ZFPM2: variants seen among roughly 807,000 people sequenced by gnomAD.
ZFPM2 encodes the protein zinc finger protein, FOG family member 2, also known as zinc finger protein ZFPM2.
ZFPM2 carries 20 observed loss-of-function variants against 98.6 expected under a neutral mutation model. That is an observed-to-expected ratio of 0.20 (90% confidence interval 0.14 to 0.29). The LOEUF (loss-of-function observed/expected upper bound fraction) is 0.29. Ranked by LOEUF, ZFPM2 falls within the 10% of genes least tolerant of loss-of-function variation. ZFPM2 has a pLI of 1.00. For synonymous variants in ZFPM2, 518 were observed against 502.7 expected (o/e 1.03, Z -0.41); for missense variants, 1,310 against 1,388.6 (o/e 0.94, Z 0.90).
intron 1 of ZFPM2, among the ~76,000 whole-genome samples, chr8:105,335,894 C>T (rs1812316251): frequency 6.6e-6 from 1 of 151,776 alleles, no homozygotes; most frequent in Non-Finnish European, 1.5e-5. Context: ...CCCTCCCTAA[C>T]CACCCTGTGG....
intron 3 of ZFPM2, among the ~76,000 whole-genome samples, chr8:105,496,760 A>G (rs1309433107): frequency 1.4e-5 from 2 of 145,168 alleles, no homozygotes; most frequent in African/African-American, 5.1e-5. Flanking sequence ...AGGTGGGCGG[A>G]TCACCTGAGC....
intron 3 of ZFPM2, among the ~76,000 whole-genome samples, chr8:105,552,092 C>A (rs1307586432): frequency 6.6e-6 from 1 of 152,162 alleles, no homozygotes; most frequent in Non-Finnish European, 1.5e-5. Context: ...TCAATGAGTT[C>A]TATTGATGTT....
rs1216178509 is a variant in ZFPM2 at position 105,418,703 on chromosome 8, C to T, written c.41-441C>T. The T allele has an allele frequency of 1.6e-5, 8 of 492,502 alleles. No homozygotes were observed. The East Asian group carries it at 4.4e-4, about 27-fold the overall frequency. 30.5% of individuals were successfully genotyped at this position (492,502 alleles called of 1,614,324 possible). On this transcript the variant is annotated intron_variant, in intron 1 of 7. Transcript: ENST00000407775. Reference sequence around the variant, plus strand: ...TTAAAAGTATAGACTTTATTAAAATCTCAGTTCAATTAAAATGCATTCAAT... The same window carrying T: ...TTAAAAGTATAGACTTTATTAAAATTTCAGTTCAATTAAAATGCATTCAAT...
chr8:105,466,706 T>A (rs1303026462), intron 3 of ZFPM2, among the ~76,000 whole-genome samples: 1 of 152,086 alleles, frequency 6.6e-6, no homozygotes, highest in Non-Finnish European at 1.5e-5. Context: ...GTAATATGAT[T>A]CTACCCCATG....
chr8:105,526,493 C>A (rs35813391), intron 3 of ZFPM2, among the ~76,000 whole-genome samples: 19,296 of 152,090 alleles, frequency 0.13, 1,265 homozygotes, highest in South Asian at 0.18. Context: ...TGTTTGAAAT[C>A]ATTTTTTTCC....
intron 6 of ZFPM2, among the ~76,000 whole-genome samples, chr8:105,790,795 G>A (rs947192401): frequency 6.6e-6 from 1 of 152,086 alleles, no homozygotes; most frequent in East Asian, 1.9e-4. Flanking sequence ...AGTTCTCCTT[G>A]AAGAGGTCCT....
intron 3 of ZFPM2, among the ~76,000 whole-genome samples, chr8:105,496,009 A>C (rs541265131): frequency 2.7e-4 from 41 of 152,304 alleles, no homozygotes; most frequent in Admixed American, 2.7e-3. Context: ...TTAGGATTAC[A>C]AAAAAGCCGG....
Position 105,489,285 on chromosome 8 carries a change from AATAAG to A in ZFPM2, c.301+44907_301+44911del, listed in dbSNP as rs1813302666. On this transcript the variant is annotated intron_variant, in intron 3 of 7. Transcript: ENST00000407775. Reference sequence around the variant, plus strand: ...AAGAAATTTGCCAAATAATGTCGGTAATAAGATGATATCACTTTACCATTCATTAT... The same window carrying A: ...AAGAAATTTGCCAAATAATGTCGGTAATGATATCACTTTACCATTCATTAT... Among the ~76,000 whole-genome samples, 4 of 151,434 alleles carry A rather than the reference AATAAG, an allele frequency of 2.6e-5. No homozygotes were observed. In the South Asian group the frequency reaches 8.3e-4, roughly 31 times the overall value.
chr8:105,590,017 G>T (rs1332259747), intron 4 of ZFPM2, among the ~76,000 whole-genome samples: 2 of 152,134 alleles, frequency 1.3e-5, no homozygotes, highest in South Asian at 2.1e-4. Context: ...ACTGCTCCCG[G>T]CTTCTTTAAT....
chr8:105,763,858 T>C lies in ZFPM2; in HGVS notation c.533-24860T>C, dbSNP rs1372503088. On this transcript the variant is annotated intron_variant, in intron 5 of 7. Transcript: ENST00000407775. The stretch of plus-strand genomic sequence containing the variant: ...CTAAGGGTTTGGAAGCTGTTTTTCA[T>C]ATCTAAAAAAAGATGGGATCATAAA... 4.6e-5 allele frequency among the ~76,000 whole-genome samples: 7 copies of C among 151,838 alleles called. No individual in the cohort carries two copies. The East Asian group carries it at 9.7e-4, about 21-fold the overall frequency.
intron 6 of ZFPM2, among the ~76,000 whole-genome samples, chr8:105,789,685 G>C (rs1320397074): frequency 6.6e-6 from 1 of 152,112 alleles, no homozygotes; most frequent in Admixed American, 6.5e-5. Flanking sequence ...GGTTGAACTA[G>C]TTTACAGTCC....
intron 1 of ZFPM2, among the ~76,000 whole-genome samples, chr8:105,326,620 A>G (rs1812119445): frequency 6.6e-6 from 1 of 151,694 alleles, no homozygotes. Flanking sequence ...TAGTATTCCC[A>G]TGTATGTAAA....
At chr8:105,665,209 G>T (rs540331968) in intron 5 of ZFPM2, among the ~76,000 whole-genome samples, 1 of 152,146 alleles carries the variant, frequency 6.6e-6, no homozygotes, top group South Asian at 2.1e-4. Flanking sequence ...GTTCCCCCAA[G>T]AAAGGCATTA....
intron 3 of ZFPM2, among the ~76,000 whole-genome samples, chr8:105,514,631 C>CTT (rs939326307): frequency 6.6e-6 from 1 of 152,096 alleles, no homozygotes; most frequent in Non-Finnish European, 1.5e-5. Flanking sequence ...GAAGCACACT[C>CTT]TTCTCTCACC....
intron 5 of ZFPM2, among the ~76,000 whole-genome samples, chr8:105,776,210 C>T (rs1287792665): frequency 6.6e-6 from 1 of 152,008 alleles, no homozygotes; most frequent in Non-Finnish European, 1.5e-5. Flanking sequence ...AGGGAATGCA[C>T]CGGTTTAACC....
At chr8:105,702,564 A>C (rs1811162464) in intron 5 of ZFPM2, among the ~76,000 whole-genome samples, 2 of 152,232 alleles carry the variant, frequency 1.3e-5, no homozygotes, top group African/African-American at 4.8e-5. Context: ...TTTTCCCAGG[A>C]AAATGTTCTT....
chr8:105,654,909 G>A (rs1382019665), intron 5 of ZFPM2, among the ~76,000 whole-genome samples: 1 of 152,172 alleles, frequency 6.6e-6, no homozygotes, highest in Non-Finnish European at 1.5e-5. Context: ...AAAGTCCTCT[G>A]ATACAGCCTT....
intron 4 of ZFPM2, among the ~76,000 whole-genome samples, chr8:105,615,450 T>C (rs1702303523): frequency 6.6e-6 from 1 of 152,172 alleles, no homozygotes; most frequent in South Asian, 2.1e-4. Context: ...GATTCTGAAA[T>C]ATAATGAGGG....
intron 5 of ZFPM2, among the ~76,000 whole-genome samples, chr8:105,719,002 C>A (rs1175644250): frequency 1.3e-5 from 2 of 151,960 alleles, no homozygotes; most frequent in Non-Finnish European, 2.9e-5. Context: ...AAATATGACT[C>A]TTTTCTACTG....
Sources: gnomAD v4.1 joint callset for allele counts (sites outside exome capture counted in the v4.1 genomes callset) on GRCh38, gnomAD v4.1.1 for gene constraint, MANE v1.5 for transcripts, NCBI Gene and HGNC (gene_info 2026-07-23, HGNC 2026-07-21) for gene names.